SDK1: variants seen among roughly 807,000 people sequenced by gnomAD.
SDK1 encodes the protein protein sidekick-1.
A neutral mutation model predicts 245.5 loss-of-function variants in SDK1; 157 were observed. The ratio of observed to expected loss-of-function variants is 0.64; its 90% confidence interval spans 0.56 to 0.73. SDK1 has a LOEUF of 0.73. Among genes scored for constraint, SDK1 ranks in the 30% least tolerant of loss-of-function variants. SDK1 has a pLI of 0.00. For missense variants in SDK1, 3,583 were observed against 3,002.3 expected, an observed-to-expected ratio of 1.19 and a Z score of -4.52; for synonymous variants, 1,647 against 1,278.5, an observed-to-expected ratio of 1.29 and a Z score of -6.15.
intron 5 of SDK1, among the ~76,000 whole-genome samples, chr7:3,880,659 C>T (rs1454824892): frequency 6.6e-6 from 1 of 151,072 alleles, no homozygotes; most frequent in Non-Finnish European, 1.5e-5. Flanking sequence ...CTGTACCACT[C>T]CCTCCCGCTC....
intron 1 of SDK1, among the ~76,000 whole-genome samples, chr7:3,444,450 G>A (rs1780287701): frequency 6.6e-6 from 1 of 152,128 alleles, no homozygotes; most frequent in Non-Finnish European, 1.5e-5. Flanking sequence ...TTGAGTCAAT[G>A]GGTGATTTCA....
chr7:4,084,945 T>C (rs960078436), intron 22 of SDK1, among the ~76,000 whole-genome samples: 1 of 152,018 alleles, frequency 6.6e-6, no homozygotes, highest in African/African-American at 2.4e-5. Flanking sequence ...ATATTTTTAG[T>C]AGAGATGGGG....
chr7:3,357,328 G>GTTTTTTTTTTTTTTTTTTTT lies in SDK1; in HGVS notation c.298+55464_298+55483dup, dbSNP rs560124026. 2.5e-4 allele frequency among the ~76,000 whole-genome samples: 13 copies of GTTTTTTTTTTTTTTTTTTTT among 52,946 alleles called. 4 individuals carry two copies. The highest frequency in any genetic ancestry group is 3.9e-4 in the Non-Finnish European group (11 of 28,316). The allele number at this position is 52,946 out of a possible 152,430, so 34.7% of individuals were successfully genotyped here. A position where few individuals can be genotyped will look rare whatever the true frequency, so the allele number is the denominator to read the frequency against. On this transcript the variant is annotated intron_variant, in intron 1 of 44. Coordinates refer to ENST00000404826, the MANE Select transcript of SDK1 (RefSeq NM_152744.4). The stretch of plus-strand genomic sequence containing the variant: ...TTACTCTTGCTCCCCTTCTTTTAGT[G>GTTTTTTTTTTTTTTTTTTTT]TTTTTTTTTTTTTTTTTTTTTTTTT...
At chr7:4,058,301 C>T (rs1302815358) in intron 19 of SDK1, among the ~76,000 whole-genome samples, 2 of 151,874 alleles carry the variant, frequency 1.3e-5, no homozygotes, top group Non-Finnish European at 2.9e-5. Context: ...CTAGATGAGA[C>T]AGCAGAAGGA....
intron 1 of SDK1, among the ~76,000 whole-genome samples, chr7:3,432,811 A>G (rs1779897674): frequency 6.6e-6 from 1 of 152,208 alleles, no homozygotes; most frequent in African/African-American, 2.4e-5. Context: ...TTCTTTTATA[A>G]TCCACAAATA....
At chr7:3,689,611 G>C (rs1784388107) in intron 4 of SDK1, among the ~76,000 whole-genome samples, 1 of 152,188 alleles carries the variant, frequency 6.6e-6, no homozygotes, top group Admixed American at 6.5e-5. Context: ...ACCTATTACA[G>C]ACTTTTTACT....
intron 5 of SDK1, among the ~76,000 whole-genome samples, chr7:3,853,925 G>A (rs1025754044): frequency 2.6e-5 from 4 of 152,052 alleles, no homozygotes; most frequent in African/African-American, 9.7e-5. Context: ...AGAGGCAAAT[G>A]TTGGAGTGAG....
chr7:3,454,888 G>C (rs1031699315), intron 1 of SDK1, among the ~76,000 whole-genome samples: 2 of 152,150 alleles, frequency 1.3e-5, no homozygotes, highest in Non-Finnish European at 2.9e-5. Flanking sequence ...ATTGTGTTCA[G>C]TATTATAAGA....
intron 17 of SDK1, among the ~76,000 whole-genome samples, chr7:4,030,453 GT>G (rs1485874758): frequency 2.0e-5 from 3 of 152,204 alleles, no homozygotes; most frequent in African/African-American, 7.2e-5. Flanking sequence ...GGTCCAAGAA[GT>G]TTTGCTGGTG....
At chr7:3,313,104 T>C (rs1400850488) in intron 1 of SDK1, among the ~76,000 whole-genome samples, 2 of 152,288 alleles carry the variant, frequency 1.3e-5, no homozygotes, top group African/African-American at 4.8e-5. Flanking sequence ...TAAAGTATTA[T>C]GATACTCAAG....
At chr7:3,515,311 T>C (rs759978123) in intron 1 of SDK1, among the ~76,000 whole-genome samples, 52 of 152,148 alleles carry the variant, frequency 3.4e-4, no homozygotes, top group Non-Finnish European at 5.7e-4. Context: ...TTTTGTTGTG[T>C]CTATATTAAA....
At chr7:3,690,124 CT>C (rs1399560750) in intron 4 of SDK1, among the ~76,000 whole-genome samples, 1 of 152,156 alleles carries the variant, frequency 6.6e-6, no homozygotes, top group Non-Finnish European at 1.5e-5. Context: ...CAGATCGAAC[CT>C]TTTGGAAAAA....
At chr7:3,365,808 G>C (rs931180379) in intron 1 of SDK1, among the ~76,000 whole-genome samples, 1 of 116,048 alleles carries the variant, frequency 8.6e-6, no homozygotes, top group Non-Finnish European at 2.1e-5. Flanking sequence ...CGAGGTGGGT[G>C]TATCACCTGA....
intron 1 of SDK1, among the ~76,000 whole-genome samples, chr7:3,348,764 G>C (rs1266205069): frequency 6.6e-6 from 1 of 152,112 alleles, no homozygotes; most frequent in Admixed American, 6.5e-5. Context: ...AGGACTTTCT[G>C]AGCTGATCAA....
At chr7:4,154,758 G>T (rs752404810) in intron 30 of SDK1, among the ~76,000 whole-genome samples, 9 of 152,174 alleles carry the variant, frequency 5.9e-5, no homozygotes, top group Non-Finnish European at 1.2e-4. Context: ...GTGAGTAGTG[G>T]CAGAGCCAGC....
At chr7:3,852,356 A>T (rs1269251052) in intron 5 of SDK1, among the ~76,000 whole-genome samples, 1 of 152,030 alleles carries the variant, frequency 6.6e-6, no homozygotes, top group African/African-American at 2.4e-5. Context: ...TGCTGTGGGT[A>T]CCGTGCTGTC....
At chr7:3,432,183 A>G (rs967636919) in intron 1 of SDK1, among the ~76,000 whole-genome samples, 1 of 150,148 alleles carries the variant, frequency 6.7e-6, no homozygotes, top group Non-Finnish European at 1.5e-5. Context: ...ATATATCCCC[A>G]TACCTGAAGA....
chr7:3,879,437 C>G (rs1014482940), intron 5 of SDK1, among the ~76,000 whole-genome samples: 3 of 152,188 alleles, frequency 2.0e-5, no homozygotes, highest in African/African-American at 4.8e-5. Flanking sequence ...GGCTCAGCCA[C>G]TTGCCCCTGA....
At chr7:3,606,610 C>G (rs187888233) in intron 1 of SDK1, among the ~76,000 whole-genome samples, 3 of 152,126 alleles carry the variant, frequency 2.0e-5, no homozygotes, top group Non-Finnish European at 4.4e-5. Context: ...CGACTTTGTA[C>G]TTGCTTTTCC....
Sources: gnomAD v4.1 joint callset for allele counts (sites outside exome capture counted in the v4.1 genomes callset) on GRCh38, gnomAD v4.1.1 for gene constraint, MANE v1.5 for transcripts, NCBI Gene and HGNC (gene_info 2026-07-23, HGNC 2026-07-21) for gene names.